Variants in SPTSSB observed in about 807,000 individuals in gnomAD.
SPTSSB encodes the protein serine palmitoyltransferase small subunit B.
In SPTSSB, 6 loss-of-function variants were observed where a neutral mutation model predicts 7.7. The ratio of observed to expected loss-of-function variants is 0.78; its 90% confidence interval spans 0.43 to 1.54. SPTSSB has a LOEUF of 1.54. Ranked by LOEUF, SPTSSB falls within the 40% of genes most tolerant of loss-of-function variation. The probability of loss-of-function intolerance (pLI) is 0.01; values close to 1 mark genes in which losing one functional copy is unlikely to be tolerated. For synonymous variants in SPTSSB, 28 were observed against 29.7 expected (o/e 0.94, Z 0.19); for missense variants, 91 against 93.0 (o/e 0.98, Z 0.09).
Position 161,346,142 on chromosome 3 carries a change from C to A in SPTSSB, c.182G>T (p.Trp61Leu). The stretch of plus-strand genomic sequence containing the variant: ...TCCACATATTTTTGAGAAAAATTCC[C>A]AAGCCAGGCGAATGTGGATTGGAAT... ...VFIPIHIRLA[W>L]EFFSKICGYH... Residue 61 changes from tryptophan to leucine, a missense_variant, in exon 3 of 3, where the codon TGG becomes TTG. Trp to Leu is a moderately conservative substitution (Grantham distance 61). Transcript: ENST00000620149. 1 of 1,611,726 alleles carries A rather than the reference C, an allele frequency of 6.2e-7. No homozygotes were observed. Among genetic ancestry groups the A allele is most frequent in the South Asian group, 1.1e-5 (1 of 91,008 alleles).
chr3:161,351,589 TAC>T, intron 2 of SPTSSB, among the ~76,000 whole-genome samples: 1 of 151,810 alleles, frequency 6.6e-6, no homozygotes, highest in Non-Finnish European at 1.5e-5. Context: ...CACTCACACA[TAC>T]ACACACAGAG....
rs1714191137 is a variant in SPTSSB at position 161,345,744 on chromosome 3, T to C, written c.*349A>G. 4.9e-6 allele frequency: 1 copy of C among 205,334 alleles called. No homozygotes were observed. The highest frequency in any genetic ancestry group is 1.0e-5 in the Non-Finnish European group (1 of 99,728). 12.7% of individuals were successfully genotyped at this position (205,334 alleles called of 1,614,324 possible). On this transcript the variant is annotated 3_prime_UTR_variant, in exon 3 of 3. Transcript: ENST00000620149. ...TATAGAATAAGTGTCAAGGGAGCAC[T>C]TTAAGCATGATTCTGGTAGGTCTGT...
At chr3:161,368,169 T>C (rs1715295297) in intron 1 of SPTSSB, among the ~76,000 whole-genome samples, 2 of 152,212 alleles carry the variant, frequency 1.3e-5, no homozygotes, top group Non-Finnish European at 2.9e-5. Flanking sequence ...AAACTATTGG[T>C]CAAATGGCAC....
intron 2 of SPTSSB, among the ~76,000 whole-genome samples, chr3:161,351,597 C>CAG (rs536721506): frequency 2.9e-4 from 44 of 151,138 alleles, no homozygotes; most frequent in African/African-American, 8.7e-4. Flanking sequence ...CATACACACA[C>CAG]AGAGAGAGAG....
chr3:161,369,324 C>CTT (rs1214186508), intron 1 of SPTSSB, among the ~76,000 whole-genome samples: 1 of 60,164 alleles, frequency 1.7e-5, no homozygotes. Context: ...CTCTTTCTTT[C>CTT]TTTCTTTCTT....
At chr3:161,357,002 A>G (rs143823582) in intron 2 of SPTSSB, among the ~76,000 whole-genome samples, 344 of 152,308 alleles carry the variant, frequency 2.3e-3, no homozygotes, top group African/African-American at 7.7e-3. Flanking sequence ...AAAAATAAAA[A>G]TAAAAAAGGA....
intron 2 of SPTSSB, among the ~76,000 whole-genome samples, chr3:161,352,343 A>G (rs1162256347): frequency 1.3e-5 from 2 of 151,436 alleles, no homozygotes; most frequent in Non-Finnish European, 2.9e-5. Context: ...TGCCAGATAA[A>G]CTCCTATTTT....
At chr3:161,355,248 A>G (rs904167868) in intron 2 of SPTSSB, among the ~76,000 whole-genome samples, 2 of 152,222 alleles carry the variant, frequency 1.3e-5, no homozygotes, top group African/African-American at 4.8e-5. Context: ...AGGAAAAGGG[A>G]AAATATATAA....
At chr3:161,360,969 A>G (rs1005898408) in intron 1 of SPTSSB, among the ~76,000 whole-genome samples, 1 of 152,170 alleles carries the variant, frequency 6.6e-6, no homozygotes, top group African/African-American at 2.4e-5. Flanking sequence ...GGTGTCACAG[A>G]TGAGAAAAAG....
At chr3:161,356,078 T>C (rs996761290) in intron 2 of SPTSSB, among the ~76,000 whole-genome samples, 9 of 152,172 alleles carry the variant, frequency 5.9e-5, no homozygotes, top group Non-Finnish European at 7.4e-5. Context: ...GAGGTCCCAA[T>C]TGGGGTTCCC....
chr3:161,370,664 G>A (rs1715470163), intron 1 of SPTSSB, among the ~76,000 whole-genome samples: 1 of 152,138 alleles, frequency 6.6e-6, no homozygotes, highest in Admixed American at 6.5e-5. Context: ...TTTGGACTTT[G>A]GGGCTAGTTC....
chr3:161,358,933 G>A (rs773476348), intron 2 of SPTSSB, among the ~76,000 whole-genome samples: 3 of 152,176 alleles, frequency 2.0e-5, no homozygotes, highest in Non-Finnish European at 2.9e-5. Context: ...CCATTTCAGA[G>A]TTACAAATCT....
intron 2 of SPTSSB, chr3:161,359,503 G>C (rs1483022152): frequency 6.4e-6 from 1 of 155,420 alleles, no homozygotes; most frequent in Non-Finnish European, 1.4e-5. Context: ...GGAGGTCAAG[G>C]ACTTGGGGGG....
At chr3:161,371,380 TCTATCCTA>T in intron 1 of SPTSSB, 47 bp downstream of exon 1, 4 of 976,794 alleles carry the variant, frequency 4.1e-6, no homozygotes, top group Non-Finnish European at 4.9e-6. Context: ...AGACAGGAAT[TCTATCCTA>T]CTAAAGCTAC....
At chr3:161,351,380 A>G (rs1015887149) in intron 2 of SPTSSB, among the ~76,000 whole-genome samples, 3 of 152,198 alleles carry the variant, frequency 2.0e-5, no homozygotes, top group Non-Finnish European at 4.4e-5. Context: ...ATTAATTAGG[A>G]AAGCCTTCAA....
intron 1 of SPTSSB, among the ~76,000 whole-genome samples, chr3:161,371,013 C>G (rs1715485092): frequency 6.6e-6 from 1 of 152,106 alleles, no homozygotes; most frequent in African/African-American, 2.4e-5. Flanking sequence ...CTTGTGTGTA[C>G]TATTGCCTAA....
chr3:161,357,964 C>T (rs1341568569), intron 2 of SPTSSB, among the ~76,000 whole-genome samples: 1 of 151,672 alleles, frequency 6.6e-6, no homozygotes, highest in Admixed American at 6.6e-5. Context: ...TACAAGAGCC[C>T]TAGGAAGCAA....
chr3:161,355,247 G>A (rs1041420351), intron 2 of SPTSSB, among the ~76,000 whole-genome samples: 5 of 152,172 alleles, frequency 3.3e-5, no homozygotes, highest in Non-Finnish European at 5.9e-5. Context: ...AAGGAAAAGG[G>A]AAAATATATA....
At chr3:161,363,662 TA>T (rs1715102348) in intron 1 of SPTSSB, among the ~76,000 whole-genome samples, 1 of 152,138 alleles carries the variant, frequency 6.6e-6, no homozygotes, top group Non-Finnish European at 1.5e-5. Flanking sequence ...GAGTTTTTTC[TA>T]TGCATGTTTT....
Sources: allele counts gnomAD v4.1 joint callset (sites outside exome capture counted in the v4.1 genomes callset), GRCh38; gene constraint gnomAD v4.1.1; transcripts MANE v1.5; gene names NCBI Gene and HGNC (gene_info 2026-07-23, HGNC 2026-07-21).